NTRK3: variants seen among roughly 807,000 people sequenced by gnomAD.
NTRK3 encodes the protein neurotrophic receptor tyrosine kinase 3.
NTRK3 carries 24 observed loss-of-function variants against 91.7 expected under a neutral mutation model. The ratio of observed to expected loss-of-function variants is 0.26; its 90% CI spans 0.19 to 0.37. The LOEUF is 0.37. Ranked by LOEUF, NTRK3 falls within the 10% of genes least tolerant of loss-of-function variation. The probability of loss-of-function intolerance (pLI) is 1.00; values close to 1 mark genes in which losing one functional copy is unlikely to be tolerated. For missense variants in NTRK3, 880 were observed against 1,068.9 expected, an observed-to-expected ratio of 0.82 and a Z score of 2.46; for synonymous variants, 483 against 404.0, an observed-to-expected ratio of 1.20 and a Z score of -2.34.
intron 15 of NTRK3, 88 bp downstream of exon 15, chr15:87,940,535 A>C (rs1296607320): frequency 6.3e-7 from 1 of 1,588,078 alleles, no homozygotes; most frequent in Non-Finnish European, 8.6e-7. Flanking sequence ...ATTGAGCACT[A>C]TCTTCTCAAA....
chr15:87,881,510 C>G (rs2065249843), intron 17 of NTRK3, among the ~76,000 whole-genome samples: 1 of 152,010 alleles, frequency 6.6e-6, no homozygotes, highest in South Asian at 2.1e-4. Context: ...AGCTCCACCT[C>G]CCGGGTTCAC....
rs117251154 is a variant in NTRK3, at chr15:88,237,788, C to T, written c.248+18118G>A. On this transcript the variant is annotated intron_variant, in intron 3 of 18. Transcript: ENST00000394480. The surrounding 1 kb of genome is among the most constrained non-coding windows in gnomAD (Gnocchi z 4.0). ...ATAAAATGAGAAAAAAAAAATCAGC[C>T]TTGATGAACTTCCACAGAATTCTGC... Among the ~76,000 whole-genome samples, 251 of 152,252 alleles carry T rather than the reference C, an allele frequency of 1.6e-3. 9 individuals carry two copies. The East Asian group carries it at 0.042, about 26-fold the overall frequency.
At chr15:87,933,171 G>A (rs1456055401) in exon 16 of NTRK3, 2 of 1,614,122 alleles carry the variant, frequency 1.2e-6, no homozygotes, top group Admixed American at 3.3e-5. Flanking sequence ...AGCCAGGGTG[G>A]GATCCTTCAG....
intron 3 of NTRK3, among the ~76,000 whole-genome samples, chr15:88,227,815 C>T (rs966802070): frequency 1.3e-5 from 2 of 152,090 alleles, no homozygotes; most frequent in South Asian, 4.2e-4. Context: ...CTACCCTCCC[C>T]CTAGAAGCTG....
At chr15:88,089,497 ACT>A (rs2048813515) in intron 13 of NTRK3, among the ~76,000 whole-genome samples, 2 of 152,386 alleles carry the variant, frequency 1.3e-5, no homozygotes, top group South Asian at 2.1e-4. Context: ...GTGATGTAAT[ACT>A]GCACAACTAT....
intron 14 of NTRK3, among the ~76,000 whole-genome samples, chr15:87,982,548 T>A (rs1179890402): frequency 1.3e-5 from 2 of 152,146 alleles, no homozygotes; most frequent in Non-Finnish European, 2.9e-5. Context: ...CAGAGCTGGG[T>A]CTTCAGGGAT....
chr15:87,948,912 C>G (rs1045505202), intron 14 of NTRK3, among the ~76,000 whole-genome samples: 1 of 152,158 alleles, frequency 6.6e-6, no homozygotes, highest in Non-Finnish European at 1.5e-5. Context: ...GCTTCCCTCA[C>G]ACATTCTTTT....
At chr15:88,106,940 A>G (rs1375622485) in intron 13 of NTRK3, among the ~76,000 whole-genome samples, 2 of 132,200 alleles carry the variant, frequency 1.5e-5, no homozygotes, top group South Asian at 4.5e-4. Flanking sequence ...CTCAAAAAGT[A>G]AAAAAAAAAA....
At chr15:87,997,730 A>G (rs1156897417) in intron 14 of NTRK3, among the ~76,000 whole-genome samples, 1 of 152,202 alleles carries the variant, frequency 6.6e-6, no homozygotes, top group Non-Finnish European at 1.5e-5. Flanking sequence ...TTTCTTACGT[A>G]AGAAACCTGG....
intron 17 of NTRK3, among the ~76,000 whole-genome samples, chr15:87,920,949 A>G (rs1330691953): frequency 6.6e-6 from 1 of 152,172 alleles, no homozygotes; most frequent in East Asian, 1.9e-4. Flanking sequence ...GTAAAATCCA[A>G]ACAAAGTCTG....
At chr15:88,182,385 A>G (rs2046556373) in intron 5 of NTRK3, among the ~76,000 whole-genome samples, 1 of 152,032 alleles carries the variant, frequency 6.6e-6, no homozygotes, top group Admixed American at 6.6e-5. Flanking sequence ...CACTTCCCAC[A>G]GCTCCCCTGG....
intron 13 of NTRK3, among the ~76,000 whole-genome samples, chr15:88,102,973 T>C (rs541313150): frequency 1.3e-5 from 2 of 152,312 alleles, no homozygotes; most frequent in African/African-American, 4.8e-5. Flanking sequence ...AACAGCCTAA[T>C]AGAAAGTACC....
Position 88,255,758 on chromosome 15 carries a change from C to G in NTRK3, c.248+148G>C. ...GGAATGCGCAGCCGGAGAGCATCTCCCGAGCCAGAGCGAGCCTGACGCGCG... is the reference window on the plus strand; with the variant it reads ...GGAATGCGCAGCCGGAGAGCATCTCGCGAGCCAGAGCGAGCCTGACGCGCG... On this transcript the variant is annotated intron_variant, in intron 3 of 18. Coordinates refer to ENST00000394480, the Ensembl canonical transcript of NTRK3. This position sits in a 1 kb window ranked among gnomAD's most constrained non-coding sequence, Gnocchi z 4.3. The G allele has an allele frequency of 1.8e-6, 1 of 567,026 alleles. No individual in the cohort carries two copies. Among genetic ancestry groups the G allele is most frequent in the Non-Finnish European group, 2.6e-6 (1 of 379,634 alleles). 35.1% of individuals were successfully genotyped at this position (567,026 alleles called of 1,614,324 possible). A position where few individuals can be genotyped will look rare whatever the true frequency, so the allele number is the denominator to read the frequency against.
At chr15:88,213,640 T>G (rs1402674500) in intron 3 of NTRK3, among the ~76,000 whole-genome samples, 1 of 152,222 alleles carries the variant, frequency 6.6e-6, no homozygotes, top group African/African-American at 2.4e-5. Context: ...TGGGCACTAT[T>G]TTACATGCTC....
At chr15:88,132,285 T>C (rs574323617) in intron 10 of NTRK3, among the ~76,000 whole-genome samples, 6 of 152,378 alleles carry the variant, frequency 3.9e-5, no homozygotes, top group African/African-American at 1.4e-4. Flanking sequence ...GGCCCACAGC[T>C]AGTAAGCCTT....
intron 14 of NTRK3, chr15:87,981,250 C>T: frequency 1.3e-6 from 2 of 1,584,340 alleles, no homozygotes; most frequent in Non-Finnish European, 1.7e-6. Context: ...TAAGACACTT[C>T]CCCACTCTGG....
chr15:88,012,470 C>T (rs1017880862), intron 14 of NTRK3, among the ~76,000 whole-genome samples: 2 of 152,150 alleles, frequency 1.3e-5, no homozygotes, highest in African/African-American at 4.8e-5. Flanking sequence ...TTGGAGAGGC[C>T]CAGAAATAGC....
chr15:88,125,796 C>T (rs2053224671), intron 13 of NTRK3, among the ~76,000 whole-genome samples: 1 of 152,166 alleles, frequency 6.6e-6, no homozygotes. Context: ...CTGTGTAGAG[C>T]TACGTGCTGA....
At chr15:87,864,982 C>A in exon 19 of NTRK3, 1 of 213,678 alleles carries the variant, frequency 4.7e-6, no homozygotes, top group Non-Finnish European at 9.5e-6. Context: ...AACAGTAGTC[C>A]GAAACAGAGG....
Sources: gnomAD v4.1 joint callset for allele counts (sites outside exome capture counted in the v4.1 genomes callset) on GRCh38, gnomAD v4.1.1 for gene constraint, Gnocchi (gnomAD v3.1) non-coding constraint, MANE v1.5 for transcripts, NCBI Gene and HGNC (gene_info 2026-07-23, HGNC 2026-07-21) for gene names.